PRKAR1A: variants seen among roughly 807,000 people sequenced by gnomAD.
PRKAR1A encodes protein kinase cAMP-dependent type I regulatory subunit alpha, also known as cAMP-dependent protein kinase type I-alpha regulatory subunit.
Under a neutral mutation model 52.0 loss-of-function variants are expected in PRKAR1A, and 3 were observed. The ratio of observed to expected loss-of-function variants is 0.06; its 90% CI spans 0.03 to 0.15. The LOEUF (loss-of-function observed/expected upper bound fraction) is 0.15. PRKAR1A is among the 10% of genes least tolerant of loss of function. The probability of loss-of-function intolerance (pLI) is 1.00; values close to 1 mark genes in which losing one functional copy is unlikely to be tolerated. For synonymous variants in PRKAR1A, 188 were observed against 168.4 expected (o/e 1.12, Z -0.90); for missense variants, 240 against 477.4 (o/e 0.50, Z 4.63).
the PRKAR1A span, among the ~76,000 whole-genome samples, chr17:68,415,950 T>C: frequency 6.6e-6 from 1 of 152,190 alleles, no homozygotes; most frequent in Non-Finnish European, 1.5e-5. Context: ...GATGGTTGGT[T>C]GGTGATCTTA....
chr17:68,516,228 C>G (rs571003343), intron 2 of PRKAR1A, among the ~76,000 whole-genome samples: 1 of 152,136 alleles, frequency 6.6e-6, no homozygotes, highest in Admixed American at 6.5e-5. Flanking sequence ...TTGTGACCTA[C>G]GTATATGGCA....
the PRKAR1A span, among the ~76,000 whole-genome samples, chr17:68,486,509 C>CA: frequency 2.3e-5 from 1 of 43,380 alleles, no homozygotes; most frequent in Admixed American, 2.5e-4. Flanking sequence ...TTCCTTCCTT[C>CA]TTTCTTTCTT....
At chr17:68,513,660 G>A (rs1263073844) in intron 1 of PRKAR1A, among the ~76,000 whole-genome samples, 1 of 152,198 alleles carries the variant, frequency 6.6e-6, no homozygotes, top group African/African-American at 2.4e-5. Context: ...CGGGTAACTC[G>A]ATTAAAAATA....
upstream of PRKAR1A, among the ~76,000 whole-genome samples, chr17:68,509,967 C>T (rs116125071): frequency 2.3e-3 from 345 of 152,270 alleles, no homozygotes; most frequent in African/African-American, 8.0e-3. Flanking sequence ...TCAATGTCAG[C>T]AGCTTGCTTG....
intron 2 of PRKAR1A, among the ~76,000 whole-genome samples, chr17:68,520,547 A>G (rs1199232345): frequency 6.6e-6 from 1 of 152,176 alleles, no homozygotes; most frequent in African/African-American, 2.4e-5. Context: ...GATCACGTCA[A>G]GGTATTTAGG....
At position 68,515,784 on chromosome 17, in the gene PRKAR1A, A is replaced by G. The variant is rs376527235; in HGVS notation, c.177+208A>G. 31 of 633,604 alleles carry G rather than the reference A, an allele frequency of 4.9e-5. No individual in the cohort carries two copies. The East Asian group carries it at 7.9e-4, about 16-fold the overall frequency. 39.2% of individuals were successfully genotyped at this position (633,604 alleles called of 1,614,324 possible). A position where few individuals can be genotyped will look rare whatever the true frequency, so the allele number is the denominator to read the frequency against. On this transcript the variant is annotated intron_variant, in intron 2 of 10. Coordinates refer to ENST00000589228, the MANE Select transcript of PRKAR1A (RefSeq NM_002734.5). ...GAATTTATCAGAAAAATGAACCTGT[A>G]TGCTAACTGTACTTGGCTAATAAAG...
chr17:68,497,885 A>T, the PRKAR1A span, among the ~76,000 whole-genome samples: 1 of 152,222 alleles, frequency 6.6e-6, no homozygotes, highest in African/African-American at 2.4e-5. Context: ...AGTGCTATGA[A>T]AGAAGCAACA....
chr17:68,463,647 G>A, the PRKAR1A span, among the ~76,000 whole-genome samples: 2 of 152,156 alleles, frequency 1.3e-5, no homozygotes, highest in Admixed American at 6.5e-5. Flanking sequence ...GCATAGGGTG[G>A]GCAGGGAAGG....
At chr17:68,543,843 G>C (rs1481270808) in intron 11 of PRKAR1A, 1 of 849,002 alleles carries the variant, frequency 1.2e-6, no homozygotes. Flanking sequence ...TGTACACACA[G>C]GCGATGGCAC....
chr17:68,530,896 T>G lies in PRKAR1A; in HGVS notation c.*447T>G. 1 of 1,126,908 alleles carries G rather than the reference T, an allele frequency of 8.9e-7. No homozygotes were observed. The highest frequency in any genetic ancestry group is 1.1e-6 in the Non-Finnish European group (1 of 915,108). 69.8% of individuals were successfully genotyped at this position (1,126,908 alleles called of 1,614,324 possible). A position where few individuals can be genotyped will look rare whatever the true frequency, so the allele number is the denominator to read the frequency against. On this transcript the variant is annotated 3_prime_UTR_variant, in exon 11 of 11. Transcript: ENST00000589228. ...TAGAATAAATGGTTTCTCATTAAAC[T>G]CTAAAGATTAGGGAAAATGGATATA...
chr17:68,441,589 G>A, the PRKAR1A span, among the ~76,000 whole-genome samples: 1 of 152,202 alleles, frequency 6.6e-6, no homozygotes, highest in Non-Finnish European at 1.5e-5. Context: ...GTTCCCGAGT[G>A]AGGACCTGGT....
chr17:68,457,345 C>T, the PRKAR1A span: 1 of 1,546,682 alleles, frequency 6.5e-7, no homozygotes, highest in Non-Finnish European at 8.7e-7. Context: ...AGCTTACGTG[C>T]AGTCCTGGTT....
At chr17:68,457,565 TCCCC>T in the PRKAR1A span, 168 of 94,902 alleles carry the variant, frequency 1.8e-3, 6 homozygotes, top group African/African-American at 0.028. Context: ...CCCCGCCCCG[TCCCC>T]ACCCCGCCCC....
At chr17:68,441,266 G>A in the PRKAR1A span, among the ~76,000 whole-genome samples, 1 of 152,190 alleles carries the variant, frequency 6.6e-6, no homozygotes, top group Non-Finnish European at 1.5e-5. Flanking sequence ...CAACAGGAAC[G>A]GGCATGACAC....
chr17:68,438,221 G>A, the PRKAR1A span, among the ~76,000 whole-genome samples: 1 of 150,790 alleles, frequency 6.6e-6, no homozygotes. Flanking sequence ...GCTGAGCCCC[G>A]GAACCTTTAA....
At chr17:68,542,109 C>T in intron 11 of PRKAR1A, 6 of 1,614,106 alleles carry the variant, frequency 3.7e-6, no homozygotes, top group Non-Finnish European at 5.1e-6. Context: ...TTGCCACAGA[C>T]AGCATACTCC....
In PRKAR1A at chr17:68,531,289, G is replaced by T. The variant is rs1339388786; in HGVS notation, c.*840G>T. On this transcript the variant is annotated 3_prime_UTR_variant, in exon 11 of 11. Coordinates refer to ENST00000589228, the MANE Select transcript of PRKAR1A (RefSeq NM_002734.5). ...TGCTGAATTGAGAATAAGAATTTGA[G>T]GTCTACATTCTTGGTTGTTAATTTA... 1.9e-5 allele frequency: 20 copies of T among 1,065,820 alleles called. No individual in the cohort carries two copies. In the South Asian group the frequency reaches 5.0e-4, roughly 27 times the overall value. The allele number at this position is 1,065,820 out of a possible 1,614,324, so 66.0% of individuals were successfully genotyped here.
the PRKAR1A span, among the ~76,000 whole-genome samples, chr17:68,452,307 G>A: frequency 2.0e-5 from 3 of 152,252 alleles, no homozygotes; most frequent in African/African-American, 2.4e-5. Context: ...GCTCACGCCT[G>A]TAATCTCAGG....
At chr17:68,441,808 T>G in the PRKAR1A span, among the ~76,000 whole-genome samples, 1 of 152,192 alleles carries the variant, frequency 6.6e-6, no homozygotes, top group East Asian at 1.9e-4. Context: ...TCAGGAGAAG[T>G]TGAGGTGATA....
Sources: gnomAD v4.1 joint callset for allele counts (sites outside exome capture counted in the v4.1 genomes callset) on GRCh38, gnomAD v4.1.1 for gene constraint, MANE v1.5 for transcripts, NCBI Gene and HGNC (gene_info 2026-07-23, HGNC 2026-07-21) for gene names.